SOCS6: variants seen among roughly 807,000 people sequenced by gnomAD.
The protein encoded by SOCS6 is STAT induced STAT inhibitor-4.
Under a neutral mutation model 27.7 loss-of-function variants are expected in SOCS6, and 5 were observed. The observed-to-expected ratio is 0.18, with a 90% CI of 0.09 to 0.38. The LOEUF (loss-of-function observed/expected upper bound fraction) is 0.38. Among genes scored for constraint, SOCS6 ranks in the 10% least tolerant of loss-of-function variants. The pLI, the probability that SOCS6 is intolerant of heterozygous loss-of-function variation, is 1.00. For missense variants in SOCS6, 595 were observed against 688.1 expected (o/e 0.86, Z 1.51); for synonymous variants, 271 against 260.0 (o/e 1.04, Z -0.41).
chr18:70,319,387 T>G (rs756640765), intron 1 of SOCS6, among the ~76,000 whole-genome samples: 2 of 152,224 alleles, frequency 1.3e-5, no homozygotes, highest in Non-Finnish European at 2.9e-5. Context: ...TTTGTTCTCT[T>G]AAATTGCCTT....
intron 1 of SOCS6, among the ~76,000 whole-genome samples, 160 bp downstream of exon 1, chr18:70,289,250 C>T (rs1449081406): frequency 6.7e-6 from 1 of 149,602 alleles, no homozygotes; most frequent in Non-Finnish European, 1.5e-5. Flanking sequence ...GGGGCTGCAG[C>T]GACGGGTCTG....
At chr18:70,297,444 C>T (rs969382036) in intron 1 of SOCS6, among the ~76,000 whole-genome samples, 2 of 151,172 alleles carry the variant, frequency 1.3e-5, no homozygotes, top group Non-Finnish European at 2.9e-5. Context: ...CTATTTTTTT[C>T]TTTAAATAAA....
In SOCS6 at chr18:70,325,450, C is replaced by T; in HGVS notation, c.782C>T (p.Ala261Val). Residue 261 changes from alanine (A) to valine (V), a missense_variant, in exon 2 of 2, where the codon GCT (alanine) becomes GTT (valine). Coordinates refer to ENST00000397942, the MANE Select transcript of SOCS6 (RefSeq NM_004232.4). The surrounding 1 kb of genome is among the most constrained non-coding windows in gnomAD (Gnocchi z 6.3). ...SAVPPQVGGRAFPEDESQVDQ... is the reference protein window; with the variant it reads ...SAVPPQVGGRVFPEDESQVDQ... ...GTTCCTCCTCAAGTGGGAGGGCGCG[C>T]TTTCCCCGAGGATGAGAGTCAGGTA... 1 of 1,614,194 alleles carries T rather than the reference C, an allele frequency of 6.2e-7. No homozygotes were observed. The highest frequency in any genetic ancestry group is 8.5e-7 in the Non-Finnish European group (1 of 1,180,030).
rs1034012936 is a variant in SOCS6 at position 70,298,844 on chromosome 18, G to C, written c.-127+9754G>C. Among the ~76,000 whole-genome samples, 14 of 152,192 alleles carry C rather than the reference G, an allele frequency of 9.2e-5. 1 individual carries two copies. Among genetic ancestry groups the C allele is most frequent in the Admixed American group, 8.5e-4 (13 of 15,280 alleles). On this transcript the variant is annotated intron_variant, in intron 1 of 1. Coordinates refer to ENST00000397942, the MANE Select transcript of SOCS6 (RefSeq NM_004232.4). ...TTCAGTGTGAAAACTGAGTGTCCAG[G>C]CTGGGTGCGGTGGCTCACACCTGTA...
intron 1 of SOCS6, among the ~76,000 whole-genome samples, chr18:70,319,401 A>G (rs1910891574): frequency 6.6e-6 from 1 of 152,172 alleles, no homozygotes; most frequent in African/African-American, 2.4e-5. Context: ...TTGCCTTCAC[A>G]GATAATTTAA....
intron 1 of SOCS6, among the ~76,000 whole-genome samples, chr18:70,317,474 A>G (rs1362749999): frequency 7.2e-6 from 1 of 138,560 alleles, no homozygotes; most frequent in African/African-American, 3.4e-5. Context: ...ATATATACAC[A>G]TATATACATA....
At chr18:70,305,183 G>A (rs1256243971) in intron 1 of SOCS6, among the ~76,000 whole-genome samples, 1 of 151,754 alleles carries the variant, frequency 6.6e-6, no homozygotes. Flanking sequence ...ACTCCAACCT[G>A]AGCAACAGAG....
At chr18:70,296,906 C>CTTCTTT in intron 1 of SOCS6, among the ~76,000 whole-genome samples, 1 of 129,180 alleles carries the variant, frequency 7.7e-6, no homozygotes, top group African/African-American at 3.1e-5. Context: ...CATTTTCTTT[C>CTTCTTT]TTTTTTTTTT....
At chr18:70,323,804 T>C (rs1911074421) in intron 1 of SOCS6, among the ~76,000 whole-genome samples, 1 of 152,196 alleles carries the variant, frequency 6.6e-6, no homozygotes, top group South Asian at 2.1e-4. Context: ...GTTATTGCAG[T>C]TCTATGGAAC....
rs573400452 is a variant in SOCS6, at chr18:70,324,868, G to A, written c.200G>A (p.Arg67Lys). ...NGEDEKGGKN[R>K]SKSESLMGTL... ...GAAGATGAAAAAGGCGGAAAAAACA[G>A]ATCAAAAAGCGAGAGCCTGATGGGT... Residue 67 changes from arginine to lysine, a missense_variant, in exon 2 of 2, where the codon AGA becomes AAA. By Grantham distance (26) the Arg-to-Lys change is conservative. Around this residue, in one of 2 missense-constraint regions of SOCS6, gnomAD observed 467 missense variants for 481.1 expected, o/e 0.97. Transcript: ENST00000397942. 9 of 1,614,170 alleles carry A rather than the reference G, an allele frequency of 5.6e-6. No homozygotes were observed. The East Asian group carries it at 1.8e-4, about 32-fold the overall frequency.
intron 1 of SOCS6, among the ~76,000 whole-genome samples, chr18:70,292,358 A>C (rs1322295584): frequency 6.6e-6 from 1 of 152,164 alleles, no homozygotes; most frequent in Non-Finnish European, 1.5e-5. Context: ...TTTTGTTTTG[A>C]AATGGGGATC....
Position 70,326,361 on chromosome 18 carries a change from T to C in SOCS6, c.*85T>C. On this transcript the variant is annotated 3_prime_UTR_variant, in exon 2 of 2. Coordinates refer to ENST00000397942, the MANE Select transcript of SOCS6 (RefSeq NM_004232.4). ...TTACAAACTTTCATTGCCATCAAAA[T>C]CTTTTGCTGCCATAACTATTTCAGT... 2 of 1,174,788 alleles carry C rather than the reference T, an allele frequency of 1.7e-6. No homozygotes were observed. Among genetic ancestry groups the C allele is most frequent in the East Asian group, 4.8e-5 (2 of 41,960 alleles). The allele number at this position is 1,174,788 out of a possible 1,614,324, so 72.8% of individuals were successfully genotyped here.
intron 1 of SOCS6, among the ~76,000 whole-genome samples, chr18:70,323,395 A>C (rs928025245): frequency 1.3e-5 from 2 of 152,186 alleles, no homozygotes; most frequent in Non-Finnish European, 2.9e-5. Flanking sequence ...CAGAATTGAA[A>C]TCCTGTCATT....
intron 1 of SOCS6, 82 bp from the exon 2 acceptor site, chr18:70,324,461 G>T: frequency 2.3e-6 from 1 of 437,304 alleles, no homozygotes; most frequent in Non-Finnish European, 4.0e-6. Flanking sequence ...TCGTTCAGAA[G>T]TTAAAGGATT....
At chr18:70,320,163 AT>A (rs920183304) in intron 1 of SOCS6, among the ~76,000 whole-genome samples, 14 of 151,966 alleles carry the variant, frequency 9.2e-5, no homozygotes, top group Non-Finnish European at 1.9e-4. Flanking sequence ...TAATGTTGAT[AT>A]TTTTAGTAGA....
intron 1 of SOCS6, among the ~76,000 whole-genome samples, chr18:70,315,957 G>A (rs982306019): frequency 1.3e-5 from 2 of 151,852 alleles, no homozygotes; most frequent in Non-Finnish European, 2.9e-5. Flanking sequence ...TGCAACCTCC[G>A]TCTCCTGGGT....
At chr18:70,292,870 A>G (rs1430035506) in intron 1 of SOCS6, among the ~76,000 whole-genome samples, 1 of 152,086 alleles carries the variant, frequency 6.6e-6, no homozygotes, top group Non-Finnish European at 1.5e-5. Context: ...TGGTTGGTTC[A>G]TTCTCAGATC....
intron 1 of SOCS6, among the ~76,000 whole-genome samples, chr18:70,321,469 C>T (rs576373939): frequency 1.3e-5 from 2 of 148,288 alleles, no homozygotes; most frequent in East Asian, 2.0e-4. Context: ...TACAGGCACA[C>T]GCCACCATGC....
chr18:70,294,979 A>G (rs1342145628), intron 1 of SOCS6, among the ~76,000 whole-genome samples: 3 of 152,232 alleles, frequency 2.0e-5, no homozygotes, highest in Admixed American at 6.5e-5. Context: ...ACTCTTGAGT[A>G]TAGAGAAGAA....
Sources: gnomAD v4.1 joint callset for allele counts (sites outside exome capture counted in the v4.1 genomes callset) on GRCh38, gnomAD v4.1.1 for gene constraint, gnomAD v4.1.1 regional missense constraint, Gnocchi (gnomAD v3.1) non-coding constraint, MANE v1.5 for transcripts, NCBI Gene and HGNC (gene_info 2026-07-23, HGNC 2026-07-21) for gene names.